Variants in EDIL3 observed in about 807,000 individuals in gnomAD.
EDIL3 encodes the protein EGF like and discoidin domains 3.
Under a neutral mutation model 67.4 loss-of-function variants are expected in EDIL3, and 37 were observed. The ratio of observed to expected loss-of-function variants is 0.55; its 90% CI spans 0.42 to 0.72. The LOEUF (loss-of-function observed/expected upper bound fraction) is 0.72, where lower values mean the gene tolerates loss of function less well. EDIL3 is among the 30% of genes least tolerant of loss of function. The pLI is 0.00. For missense variants in EDIL3, 527 were observed against 586.3 expected, an observed-to-expected ratio of 0.90 and a Z score of 1.04; for synonymous variants, 195 against 196.3, an observed-to-expected ratio of 0.99 and a Z score of 0.05.
At chr5:84,096,289 CA>C (rs1747261776) in intron 6 of EDIL3, among the ~76,000 whole-genome samples, 1 of 152,176 alleles carries the variant, frequency 6.6e-6, no homozygotes, top group South Asian at 2.1e-4. Context: ...CACAGATGCT[CA>C]AAGGCAACCT....
intron 6 of EDIL3, among the ~76,000 whole-genome samples, chr5:84,090,875 G>C (rs1747153790): frequency 6.6e-6 from 1 of 151,848 alleles, no homozygotes; most frequent in East Asian, 1.9e-4. Context: ...TTGAACCCGG[G>C]AGGCGGAGGT....
intron 6 of EDIL3, among the ~76,000 whole-genome samples, chr5:84,084,256 T>C (rs1340181073): frequency 6.6e-6 from 1 of 152,206 alleles, no homozygotes; most frequent in Non-Finnish European, 1.5e-5. Context: ...CTATGTTTTA[T>C]AAAGTTTTAT....
chr5:84,125,575 T>C (rs1298158752), intron 5 of EDIL3, among the ~76,000 whole-genome samples: 1 of 151,952 alleles, frequency 6.6e-6, no homozygotes, highest in Non-Finnish European at 1.5e-5. Flanking sequence ...GAATTACATG[T>C]GTGTTTAGTG....
chr5:84,321,388 CA>C (rs2112155999), intron 1 of EDIL3, among the ~76,000 whole-genome samples: 1 of 152,190 alleles, frequency 6.6e-6, no homozygotes, highest in African/African-American at 2.4e-5. Flanking sequence ...ACGTTAGATG[CA>C]GAGCAGCATT....
chr5:84,071,052 C>A (rs1208912649), intron 6 of EDIL3, among the ~76,000 whole-genome samples: 1 of 152,158 alleles, frequency 6.6e-6, no homozygotes, highest in Non-Finnish European at 1.5e-5. Flanking sequence ...CAGGCTTAGA[C>A]AGGAGTCTGC....
At chr5:84,065,270 T>A (rs1746617268) in intron 7 of EDIL3, among the ~76,000 whole-genome samples, 1 of 152,200 alleles carries the variant, frequency 6.6e-6, no homozygotes, top group South Asian at 2.1e-4. Context: ...GTCTCTCTAA[T>A]GCTATGATTA....
At chr5:84,036,825 T>G (rs1746029867) in intron 9 of EDIL3, among the ~76,000 whole-genome samples, 2 of 152,122 alleles carry the variant, frequency 1.3e-5, no homozygotes, top group South Asian at 4.2e-4. Flanking sequence ...GCTTGTCAAG[T>G]AAAAGATCAA....
intron 1 of EDIL3, among the ~76,000 whole-genome samples, chr5:84,260,556 A>G (rs1346263145): frequency 1.3e-5 from 2 of 152,210 alleles, no homozygotes; most frequent in Non-Finnish European, 2.9e-5. Context: ...TCTACTGAAC[A>G]TATACTATTG....
rs372149608 is a variant in EDIL3, at chr5:84,053,396, G to A, written c.1137+6904C>T. ...TGACACCCTAACATCACAAATAAAAGAACTAGAAAAGCAAGAGCAAACACA... is the reference window on the plus strand; with the variant it reads ...TGACACCCTAACATCACAAATAAAAAAACTAGAAAAGCAAGAGCAAACACA... On this transcript the variant is annotated intron_variant, in intron 9 of 10. Coordinates refer to ENST00000296591, the MANE Select transcript of EDIL3 (RefSeq NM_005711.5). Among the ~76,000 whole-genome samples, 8 of 152,230 alleles carry A rather than the reference G, an allele frequency of 5.3e-5. No individual in the cohort carries two copies. The East Asian group carries it at 1.4e-3, about 26-fold the overall frequency.
rs144034667 is a variant in EDIL3, at chr5:84,344,320, T to C, written c.67+39988A>G. On this transcript the variant is annotated intron_variant, in intron 1 of 10. Coordinates refer to ENST00000296591, the MANE Select transcript of EDIL3 (RefSeq NM_005711.5). ...CATTTGAAAACTTTGACCTGTATGA[T>C]TATTAATGTCCTCCATCTGCATAGT... Among the ~76,000 whole-genome samples the C allele has an allele frequency of 9.0e-3, 1,366 of 152,300 alleles. 28 individuals are homozygous for C. Among genetic ancestry groups the C allele is most frequent in the African/African-American group, 0.031 (1,309 of 41,562 alleles).
chr5:84,152,107 G>A (rs1449489509), intron 4 of EDIL3, among the ~76,000 whole-genome samples: 2 of 151,538 alleles, frequency 1.3e-5, no homozygotes, highest in Admixed American at 6.6e-5. Context: ...CTTAGTAGAG[G>A]CGGGGTTTCA....
chr5:84,364,166 T>C (rs1255748484), intron 1 of EDIL3, among the ~76,000 whole-genome samples: 6 of 152,134 alleles, frequency 3.9e-5, no homozygotes, highest in Admixed American at 1.3e-4. Context: ...AAACAGACAA[T>C]GTAAGGCAGT....
chr5:84,043,583 G>T (rs78646937), intron 9 of EDIL3, among the ~76,000 whole-genome samples: 188 of 152,272 alleles, frequency 1.2e-3, no homozygotes, highest in Non-Finnish European at 1.6e-3. Context: ...TCAGCCACAG[G>T]CAGCCATGAA....
intron 9 of EDIL3, among the ~76,000 whole-genome samples, chr5:83,964,725 T>C (rs1174714128): frequency 1.3e-5 from 2 of 152,074 alleles, no homozygotes; most frequent in Admixed American, 1.3e-4. Flanking sequence ...TGTTAAAGCC[T>C]TTAGACTCAA....
At chr5:84,270,977 G>C (rs183245731) in intron 1 of EDIL3, among the ~76,000 whole-genome samples, 42 of 152,226 alleles carry the variant, frequency 2.8e-4, no homozygotes, top group Non-Finnish European at 4.9e-4. Context: ...TGGATTCAAA[G>C]TGCAGGGTTA....
intron 1 of EDIL3, among the ~76,000 whole-genome samples, chr5:84,368,360 G>T (rs1054594310): frequency 6.6e-6 from 1 of 152,226 alleles, no homozygotes; most frequent in East Asian, 1.9e-4. Context: ...AAAGCCATTC[G>T]ATATGGATTG....
intron 1 of EDIL3, among the ~76,000 whole-genome samples, chr5:84,325,626 C>T (rs967212484): frequency 6.6e-6 from 1 of 151,932 alleles, no homozygotes; most frequent in Non-Finnish European, 1.5e-5. Context: ...TCTGTTAATT[C>T]CACTTCTGAG....
chr5:83,947,369 C>CTGTGTGTGTGTGTGTG (rs34059015), intron 10 of EDIL3, among the ~76,000 whole-genome samples: 1 of 129,450 alleles, frequency 7.7e-6, no homozygotes, highest in African/African-American at 3.0e-5. Context: ...GTGTCTGTGT[C>CTGTGTGTGTGTGTGTG]TGTGTGTGTG....
At chr5:84,069,875 C>G (rs986312861) in intron 6 of EDIL3, among the ~76,000 whole-genome samples, 10 of 152,056 alleles carry the variant, frequency 6.6e-5, no homozygotes, top group Non-Finnish European at 1.5e-4. Context: ...CTAGTGGGCA[C>G]ACACACAAGC....
Sources: allele counts gnomAD v4.1 joint callset (sites outside exome capture counted in the v4.1 genomes callset), GRCh38; gene constraint gnomAD v4.1.1; transcripts MANE v1.5; gene names NCBI Gene and HGNC (gene_info 2026-07-23, HGNC 2026-07-21).